SRPRB: variants seen among roughly 807,000 people sequenced by gnomAD.
SRPRB encodes the protein SRP receptor subunit beta.
Under a neutral mutation model 31.9 loss-of-function variants are expected in SRPRB, and 20 were observed. The ratio of observed to expected loss-of-function variants is 0.63; its 90% CI spans 0.44 to 0.91. The LOEUF (loss-of-function observed/expected upper bound fraction) is 0.91. Among genes scored for constraint, SRPRB ranks in the 40% least tolerant of loss-of-function variants. The pLI, the probability that SRPRB is intolerant of heterozygous loss-of-function variation, is 0.00. For missense variants in SRPRB, 321 were observed against 324.9 expected (o/e 0.99, Z 0.09); for synonymous variants, 146 against 132.8 (o/e 1.10, Z -0.68).
chr3:133,805,593 C>A, upstream of SRPRB: 1 of 381,026 alleles, frequency 2.6e-6, no homozygotes, highest in Non-Finnish European at 4.7e-6. Flanking sequence ...ACAGTCATAA[C>A]GTAGGTGACG....
In SRPRB at chr3:133,820,737, T is replaced by C. The variant is rs999579031; in HGVS notation, c.*971T>C. ...AGGCTTTTTTGAATGATTAGTATAT[T>C]TCATGGTAAAGAAAACAGCCTGTCT... is the stretch of plus-strand genomic sequence containing the variant. On this transcript the variant is annotated 3_prime_UTR_variant, in exon 7 of 7. Coordinates refer to ENST00000678299, the MANE Select transcript of SRPRB (RefSeq NM_001379313.1). The C allele has an allele frequency of 6.6e-6, 1 of 152,208 alleles. No individual in the cohort carries two copies. Among genetic ancestry groups the C allele is most frequent in the Non-Finnish European group, 1.5e-5 (1 of 68,040 alleles). The allele number at this position is 152,208 out of a possible 1,614,324, so 9.4% of individuals were successfully genotyped here. A position where few individuals can be genotyped will look rare whatever the true frequency, so the allele number is the denominator to read the frequency against.
chr3:133,807,727 CATCTT>C lies in SRPRB; in HGVS notation c.250-18_250-14del, dbSNP rs757580376. ...TGCTATTAAAATGTTGAATATCACC[CATCTT>C]GTTTTTTTTACAGTTGTTAACAGGC... is the stretch of plus-strand genomic sequence containing the variant. On this transcript the variant is annotated splice_polypyrimidine_tract_variant and intron_variant, in intron 2 of 6. Transcript: ENST00000678299. 6.4e-7 allele frequency: 1 copy of C among 1,558,052 alleles called. No individual in the cohort carries two copies. The highest frequency in any genetic ancestry group is 1.4e-5 in the African/African-American group (1 of 73,664).
At chr3:133,809,386 TC>T (rs1475451463) in intron 3 of SRPRB, among the ~76,000 whole-genome samples, 2 of 152,210 alleles carry the variant, frequency 1.3e-5, no homozygotes, top group Non-Finnish European at 1.5e-5. Flanking sequence ...TGAGACCTTT[TC>T]TTCTTCTCTT....
chr3:133,812,357 T>G (rs1935278578), intron 4 of SRPRB, among the ~76,000 whole-genome samples: 1 of 152,224 alleles, frequency 6.6e-6, no homozygotes, highest in African/African-American at 2.4e-5. Context: ...GAGACAAATC[T>G]AGAGCTGGTA....
At chr3:133,800,872 A>G (rs1006143281), upstream of SRPRB, among the ~76,000 whole-genome samples, 2 of 152,124 alleles carry the variant, frequency 1.3e-5, no homozygotes, top group African/African-American at 4.8e-5. Context: ...GCATACTATA[A>G]TCTCTTTAAA....
chr3:133,816,776 A>G, intron 5 of SRPRB, 102 bp from the exon 6 acceptor site: 1 of 872,666 alleles, frequency 1.1e-6, no homozygotes, highest in Admixed American at 2.8e-5. Context: ...AAAAAAGAGA[A>G]AAACTTACTG....
chr3:133,804,095 CAAAAAAAAAAAAA>C (rs1205426598), upstream of SRPRB, among the ~76,000 whole-genome samples: 1 of 58,290 alleles, frequency 1.7e-5, no homozygotes, highest in African/African-American at 6.1e-5. Flanking sequence ...GACTCTGTCT[CAAAAAAAAAAAAA>C]AAAAAAAAGA....
intron 1 of SRPRB, among the ~76,000 whole-genome samples, chr3:133,797,477 T>C (rs990798109): frequency 2.3e-4 from 35 of 152,342 alleles, no homozygotes; most frequent in African/African-American, 8.2e-4. Flanking sequence ...TTAAAACACC[T>C]AGTCTTCTTA....
chr3:133,799,363 G>T (rs895693206), intron 1 of SRPRB, among the ~76,000 whole-genome samples: 2 of 152,180 alleles, frequency 1.3e-5, no homozygotes, highest in East Asian at 3.8e-4. Flanking sequence ...AGAGAGTGCA[G>T]TAGAGCTATA....
chr3:133,812,544 C>T (rs1935296072), intron 4 of SRPRB, among the ~76,000 whole-genome samples: 1 of 152,128 alleles, frequency 6.6e-6, no homozygotes, highest in South Asian at 2.1e-4. Flanking sequence ...ATCATGATAA[C>T]ATGCAAGTTG....
intron 1 of SRPRB, among the ~76,000 whole-genome samples, chr3:133,800,272 G>A (rs1383791665): frequency 1.3e-5 from 2 of 152,184 alleles, no homozygotes; most frequent in African/African-American, 4.8e-5. Flanking sequence ...CAGCAGTTTT[G>A]GTATAGAGCC....
chr3:133,794,808 T>G (rs1460031431), intron 1 of SRPRB: 1 of 152,270 alleles, frequency 6.6e-6, no homozygotes, highest in Non-Finnish European at 1.5e-5. Flanking sequence ...AAGACTTCTC[T>G]ATTATCATGA....
chr3:133,788,880 A>G (rs924403908), intron 1 of SRPRB: 3 of 152,226 alleles, frequency 2.0e-5, no homozygotes, highest in African/African-American at 7.2e-5. Context: ...AAGCCTACTC[A>G]GCTTCCATTT....
chr3:133,803,594 C>T (rs1380325100), upstream of SRPRB, among the ~76,000 whole-genome samples: 3 of 151,978 alleles, frequency 2.0e-5, no homozygotes, highest in African/African-American at 7.3e-5. Flanking sequence ...CGCTTCTTGC[C>T]CAATCAAAAA....
intron 4 of SRPRB, among the ~76,000 whole-genome samples, chr3:133,811,565 A>T (rs1380082149): frequency 6.6e-6 from 1 of 150,654 alleles, no homozygotes; most frequent in East Asian, 1.9e-4. Context: ...TGCCAACATC[A>T]TTTATATATA....
chr3:133,790,898 TG>T (rs1934814303), intron 1 of SRPRB: 1 of 152,296 alleles, frequency 6.6e-6, no homozygotes, highest in African/African-American at 2.4e-5. Flanking sequence ...ATGTGGGTTT[TG>T]GGGGGCCCTA....
In SRPRB at chr3:133,818,066, A is replaced by C. The variant is rs375733184; in HGVS notation, c.602+1134A>C. Among the ~76,000 whole-genome samples the C allele has an allele frequency of 1.4e-4, 22 of 152,274 alleles. 1 individual carries two copies. The highest frequency in any genetic ancestry group is 3.9e-4 in the East Asian group (2 of 5,186). ...CTTTCCCGTCTGGAGCTGCGAGTTT[A>C]TCACCCTGTCCTCCTGTGCTCTTGA... On this transcript the variant is annotated intron_variant, in intron 6 of 6. Transcript: ENST00000678299.
chr3:133,804,316 GTATCAAGCTAAA>G (rs1935111686), upstream of SRPRB, among the ~76,000 whole-genome samples: 1 of 151,670 alleles, frequency 6.6e-6, no homozygotes, highest in African/African-American at 2.4e-5. Flanking sequence ...GCCCTGAGTG[GTATCAAGCTAAA>G]TAACAAGCAG....
At chr3:133,823,614 G>A (rs922486989), downstream of SRPRB, among the ~76,000 whole-genome samples, 3 of 152,264 alleles carry the variant, frequency 2.0e-5, no homozygotes, top group East Asian at 1.9e-4. Flanking sequence ...TGAGATTCCC[G>A]GGCAAGGGCA....
Sources: gnomAD v4.1 joint callset for allele counts (sites outside exome capture counted in the v4.1 genomes callset) on GRCh38, gnomAD v4.1.1 for gene constraint, MANE v1.5 for transcripts, NCBI Gene and HGNC (gene_info 2026-07-23, HGNC 2026-07-21) for gene names.